Variants in CPHXL2 observed in about 807,000 individuals in gnomAD.
The protein encoded by CPHXL2 is cytoplasmic polyadenylated homeobox like 2.
the CPHXL2 span, among the ~76,000 whole-genome samples, chr16:75,673,997 TA>T: frequency 0.022 from 2,298 of 106,528 alleles, 64 homozygotes; most frequent in African/African-American, 0.067. Flanking sequence ...AAAAAAAAGA[TA>T]AAAAAAAAAG....
the CPHXL2 span, chr16:75,661,356 A>G: frequency 5.0e-6 from 2 of 397,608 alleles, no homozygotes; most frequent in Admixed American, 4.4e-5. Context: ...TTTTAAAAGC[A>G]GAGTCCCTGA....
the CPHXL2 span, among the ~76,000 whole-genome samples, chr16:75,667,155 T>C: frequency 1.4e-4 from 22 of 151,740 alleles, no homozygotes; most frequent in African/African-American, 5.1e-4. Context: ...CTACTAATAA[T>C]ACAAAAATTA....
the CPHXL2 span, among the ~76,000 whole-genome samples, chr16:75,668,710 A>C: frequency 6.6e-6 from 1 of 152,156 alleles, no homozygotes; most frequent in Non-Finnish European, 1.5e-5. Context: ...CTAATATAAC[A>C]CAAATGCTAC....
At chr16:75,665,116 A>G in the CPHXL2 span, among the ~76,000 whole-genome samples, 4 of 152,230 alleles carry the variant, frequency 2.6e-5, no homozygotes, top group East Asian at 3.8e-4. Flanking sequence ...CTGCTTTCAT[A>G]TATCACAAGC....
chr16:75,665,119 T>G, the CPHXL2 span, among the ~76,000 whole-genome samples: 1 of 152,100 alleles, frequency 6.6e-6, no homozygotes, highest in Admixed American at 6.5e-5. Context: ...CTTTCATATA[T>G]CACAAGCTCA....
At chr16:75,671,009 G>C in the CPHXL2 span, among the ~76,000 whole-genome samples, 2 of 152,004 alleles carry the variant, frequency 1.3e-5, no homozygotes, top group Admixed American at 6.6e-5. Context: ...TGATCCCCTT[G>C]ATTCACTCCC....
At chr16:75,672,873 T>A in the CPHXL2 span, among the ~76,000 whole-genome samples, 6 of 151,688 alleles carry the variant, frequency 4.0e-5, no homozygotes, top group East Asian at 3.9e-4. Flanking sequence ...GGCAACAAAA[T>A]GAGACCTCAG....
At chr16:75,667,869 GC>G in the CPHXL2 span, among the ~76,000 whole-genome samples, 5 of 152,122 alleles carry the variant, frequency 3.3e-5, no homozygotes, top group Admixed American at 6.6e-5. Flanking sequence ...TTAGTAAAAG[GC>G]AATTCCTATC....
the CPHXL2 span, among the ~76,000 whole-genome samples, chr16:75,664,226 G>C: frequency 6.6e-6 from 1 of 152,152 alleles, no homozygotes; most frequent in African/African-American, 2.4e-5. Context: ...ACCACCTTGG[G>C]CACATATCAT....
chr16:75,665,073 G>A, the CPHXL2 span, among the ~76,000 whole-genome samples: 4 of 152,180 alleles, frequency 2.6e-5, no homozygotes, highest in African/African-American at 4.8e-5. Context: ...GGGAGGCAGC[G>A]CTCATGAGAG....
chr16:75,667,375 A>AT, the CPHXL2 span, among the ~76,000 whole-genome samples: 2 of 151,534 alleles, frequency 1.3e-5, no homozygotes, highest in Non-Finnish European at 2.9e-5. Context: ...ATATTTTTGT[A>AT]TTTTTTTCAT....
At chr16:75,670,442 T>C in the CPHXL2 span, among the ~76,000 whole-genome samples, 48 of 152,286 alleles carry the variant, frequency 3.2e-4, 1 homozygote, top group East Asian at 8.9e-3. Flanking sequence ...TTTGTGAACA[T>C]TTGTTAAATT....
chr16:75,662,517 G>T, the CPHXL2 span, among the ~76,000 whole-genome samples: 5 of 151,360 alleles, frequency 3.3e-5, no homozygotes, highest in African/African-American at 4.9e-5. Flanking sequence ...AAGCTACTAG[G>T]GTCTACTACC....
At chr16:75,674,427 G>T in the CPHXL2 span, among the ~76,000 whole-genome samples, 1 of 143,428 alleles carries the variant, frequency 7.0e-6, no homozygotes, top group Non-Finnish European at 1.5e-5. Flanking sequence ...AAAAAAAATT[G>T]TTGAATAAAA....
the CPHXL2 span, among the ~76,000 whole-genome samples, chr16:75,670,516 T>A: frequency 6.6e-6 from 1 of 152,132 alleles, no homozygotes; most frequent in African/African-American, 2.4e-5. Context: ...AGTTTATTGA[T>A]TTGTTTATTT....
chr16:75,675,279 C>T, the CPHXL2 span, among the ~76,000 whole-genome samples: 1 of 151,134 alleles, frequency 6.6e-6, no homozygotes, highest in Non-Finnish European at 1.5e-5. Flanking sequence ...CTTGGCCTCC[C>T]AAAGTGCTGG....
chr16:75,670,113 A>C, the CPHXL2 span, among the ~76,000 whole-genome samples: 1 of 152,042 alleles, frequency 6.6e-6, no homozygotes, highest in Non-Finnish European at 1.5e-5. Context: ...ACGGGATTTC[A>C]CCATGTTGGC....
chr16:75,664,459 T>G, the CPHXL2 span, among the ~76,000 whole-genome samples: 124 of 151,916 alleles, frequency 8.2e-4, no homozygotes, highest in African/African-American at 3.0e-3. Context: ...AACCCCGTAT[T>G]TACTAAAAGT....
At chr16:75,672,911 A>G in the CPHXL2 span, among the ~76,000 whole-genome samples, 1 of 151,658 alleles carries the variant, frequency 6.6e-6, no homozygotes, top group South Asian at 2.1e-4. Flanking sequence ...AAAAACAAAA[A>G]ACAAAAAAGC....
Sources: allele counts gnomAD v4.1 joint callset (sites outside exome capture counted in the v4.1 genomes callset), GRCh38; gene constraint gnomAD v4.1.1; transcripts MANE v1.5; gene names NCBI Gene and HGNC (gene_info 2026-07-23, HGNC 2026-07-21).